The following GAS7 variants were observed in gnomAD, a reference collection of about 807,000 sequenced individuals.
GAS7 encodes the protein growth arrest-specific protein 7.
GAS7 carries 28 observed loss-of-function variants against 71.1 expected under a neutral mutation model. The observed-to-expected ratio is 0.39, with a 90% CI of 0.29 to 0.54. GAS7 has a LOEUF of 0.54. Among genes scored for constraint, GAS7 ranks in the 20% least tolerant of loss-of-function variants. GAS7 has a pLI of 0.62. For synonymous variants in GAS7, 258 were observed against 245.8 expected (o/e 1.05, Z -0.46); for missense variants, 436 against 627.8 (o/e 0.69, Z 3.27).
intron 1 of GAS7, among the ~76,000 whole-genome samples, chr17:10,187,731 A>G (rs567034058): frequency 6.6e-6 from 1 of 152,312 alleles, no homozygotes; most frequent in South Asian, 2.1e-4. Context: ...CCACCCCTCA[A>G]AAGACAAAGA....
chr17:9,996,082 G>C (rs2071029212), intron 2 of GAS7, among the ~76,000 whole-genome samples: 1 of 152,166 alleles, frequency 6.6e-6, no homozygotes, highest in Non-Finnish European at 1.5e-5. Flanking sequence ...TGAAACCAAA[G>C]TAAGAAGACT....
intron 1 of GAS7, among the ~76,000 whole-genome samples, chr17:10,172,916 A>G (rs531077705): frequency 6.6e-6 from 1 of 152,380 alleles, no homozygotes; most frequent in South Asian, 2.1e-4. Context: ...CAGCCAAAAC[A>G]TGGGAACTAG....
chr17:10,113,809 C>T (rs187324952), intron 1 of GAS7, among the ~76,000 whole-genome samples: 127 of 152,284 alleles, frequency 8.3e-4, no homozygotes, highest in African/African-American at 3.0e-3. Context: ...TTTCACTCTA[C>T]GTTTTTTGTA....
At chr17:10,006,466 A>G (rs2071536146) in intron 2 of GAS7, among the ~76,000 whole-genome samples, 4 of 151,496 alleles carry the variant, frequency 2.6e-5, no homozygotes, top group Admixed American at 1.3e-4. Flanking sequence ...AGTAGCTGGG[A>G]CTACAGGCGC....
intron 1 of GAS7, among the ~76,000 whole-genome samples, chr17:10,118,781 G>A (rs79732100): frequency 0.015 from 2,251 of 148,178 alleles, 60 homozygotes; most frequent in African/African-American, 0.052. Context: ...TCCTACCCCC[G>A]GGGCCCAGTT....
At chr17:10,096,869 A>C (rs1336508699) in intron 1 of GAS7, among the ~76,000 whole-genome samples, 1 of 152,258 alleles carries the variant, frequency 6.6e-6, no homozygotes, top group Non-Finnish European at 1.5e-5. Flanking sequence ...TTCTTGGCTT[A>C]AGCCATACTG....
chr17:10,144,863 A>T (rs934737047), intron 1 of GAS7, among the ~76,000 whole-genome samples: 2 of 148,914 alleles, frequency 1.3e-5, no homozygotes, highest in South Asian at 2.4e-4. Flanking sequence ...TTACATTTCT[A>T]AAAAAAAAGT....
chr17:10,002,560 G>A (rs530083209), intron 2 of GAS7, among the ~76,000 whole-genome samples: 4 of 151,426 alleles, frequency 2.6e-5, no homozygotes, highest in South Asian at 2.1e-4. Context: ...TCCCTCCCCC[G>A]TCCCCCCATC....
Position 10,019,883 on chromosome 17 carries a change from G to A in GAS7, c.198C>T (p.Val66=), listed in dbSNP as rs1367397715. The A allele has an allele frequency of 1.2e-6, 2 of 1,613,690 alleles. No individual in the cohort carries two copies. Among genetic ancestry groups the A allele is most frequent in the African/African-American group, 1.3e-5 (1 of 74,918 alleles). The change falls in exon 2 of 14, where the codon GTC becomes GTT. Residue 66 remains valine, a synonymous_variant. Transcript: ENST00000432992. The part of the protein sequence containing the change: ...YVQLLEKPGM[V]PPPPGEESQT... ...GGCTTTCTTCTCCCGGCGGAGGGGGGACCATTCCAGGCTTCTGTTGGAGAA... is the reference window on the plus strand; with the variant it reads ...GGCTTTCTTCTCCCGGCGGAGGGGGAACCATTCCAGGCTTCTGTTGGAGAA...
intron 1 of GAS7, among the ~76,000 whole-genome samples, chr17:10,186,934 C>G (rs1489556754): frequency 6.6e-6 from 1 of 152,126 alleles, no homozygotes; most frequent in Non-Finnish European, 1.5e-5. Context: ...TGAATTCAGT[C>G]TGAGAAGCAC....
At chr17:10,156,661 G>A (rs1010586570) in intron 1 of GAS7, among the ~76,000 whole-genome samples, 1 of 152,168 alleles carries the variant, frequency 6.6e-6, no homozygotes, top group Non-Finnish European at 1.5e-5. Context: ...ATAGGTAGGA[G>A]ATGAAGGTTC....
intron 2 of GAS7, among the ~76,000 whole-genome samples, chr17:10,002,505 C>T (rs1324057504): frequency 1.3e-5 from 2 of 152,060 alleles, no homozygotes; most frequent in Non-Finnish European, 2.9e-5. Flanking sequence ...TGGTGTGCTG[C>T]ACCCATTAAC....
chr17:10,131,715 GTGAATACATGTACTCATGAATGTA>G (rs1160815097), intron 1 of GAS7, among the ~76,000 whole-genome samples: 5 of 152,306 alleles, frequency 3.3e-5, no homozygotes, highest in Non-Finnish European at 7.3e-5. Flanking sequence ...CATGTACTCA[GTGAATACATGTACTCATGAATGTA>G]TGAATACATG....
In GAS7 at chr17:10,059,214, G is replaced by C. The variant is rs144574828; in HGVS notation, c.184-39317C>G. 2.8e-3 allele frequency among the ~76,000 whole-genome samples: 424 copies of C among 152,284 alleles called. 8 individuals carry two copies. Among genetic ancestry groups the C allele is most frequent in the Admixed American group, 0.024 (362 of 15,294 alleles). ...CCCTCATCTAGAACCTGGGGGAACTGTATCTGCTGGTTCCCAAGGGCCTTT... is the reference window on the plus strand; with the variant it reads ...CCCTCATCTAGAACCTGGGGGAACTCTATCTGCTGGTTCCCAAGGGCCTTT... On this transcript the variant is annotated intron_variant, in intron 1 of 13. Coordinates refer to ENST00000432992, the MANE Select transcript of GAS7 (RefSeq NM_201433.2).
chr17:9,980,302 A>G (rs988993688), intron 3 of GAS7, among the ~76,000 whole-genome samples: 1 of 150,908 alleles, frequency 6.6e-6, no homozygotes, highest in African/African-American at 2.4e-5. Context: ...ATATCCAAAG[A>G]CTCCCTGCTC....
chr17:10,191,492 G>A (rs533489525), intron 1 of GAS7, among the ~76,000 whole-genome samples: 2 of 148,960 alleles, frequency 1.3e-5, no homozygotes, highest in South Asian at 4.3e-4. Context: ...GGAGGTCAAG[G>A]CAGCAGTGAG....
chr17:9,962,206 C>T (rs1347531182), intron 4 of GAS7, among the ~76,000 whole-genome samples: 1 of 151,358 alleles, frequency 6.6e-6, no homozygotes, highest in Non-Finnish European at 1.5e-5. Flanking sequence ...GTGCCTACTG[C>T]TCCAACTTCA....
intron 2 of GAS7, among the ~76,000 whole-genome samples, chr17:10,005,157 G>GTGTATGTACATGCATACATGCATGTGTA (rs1426400377): frequency 0.37 from 32,730 of 88,148 alleles, 5,403 homozygotes; most frequent in African/African-American, 0.5. Flanking sequence ...ATGCATGCAT[G>GTGTATGTACATGCATACATGCATGTGTA]TGTGTGCGCA....
rs141473459 is a variant in GAS7 at position 10,154,539 on chromosome 17, A to G, written c.183+43669T>C. Among the ~76,000 whole-genome samples the G allele has an allele frequency of 2.0e-3, 299 of 151,686 alleles. No homozygotes were observed. In the Middle Eastern group the frequency reaches 0.02, roughly 10 times the overall value. On this transcript the variant is annotated intron_variant, in intron 1 of 13. Coordinates refer to ENST00000432992, the MANE Select transcript of GAS7 (RefSeq NM_201433.2). Reference sequence around the variant, plus strand: ...AAAAAAAAAAATTCACAGGCCAGGCATAGTGGCTGACGCTTGTAATCCCAT... The same window carrying G: ...AAAAAAAAAAATTCACAGGCCAGGCGTAGTGGCTGACGCTTGTAATCCCAT...
Sources: gnomAD v4.1 joint callset for allele counts (sites outside exome capture counted in the v4.1 genomes callset) on GRCh38, gnomAD v4.1.1 for gene constraint, MANE v1.5 for transcripts, NCBI Gene and HGNC (gene_info 2026-07-23, HGNC 2026-07-21) for gene names.